PLSCR2: variants seen among roughly 807,000 people sequenced by gnomAD.
PLSCR2 encodes phospholipid scramblase 2, also known as PL scramblase 2.
Under a neutral mutation model 25.3 loss-of-function variants are expected in PLSCR2, and 18 were observed. The ratio of observed to expected loss-of-function variants is 0.71; its 90% confidence interval spans 0.49 to 1.06. The LOEUF is 1.06. PLSCR2 is among the 50% of genes least tolerant of loss of function. PLSCR2 has a pLI of 0.00. For synonymous variants in PLSCR2, 88 were observed against 87.3 expected (o/e 1.01, Z -0.04); for missense variants, 243 against 269.5 (o/e 0.90, Z 0.69).
intron 3 of PLSCR2, among the ~76,000 whole-genome samples, chr3:146,392,955 T>C (rs2038134597): frequency 6.6e-6 from 1 of 151,654 alleles, no homozygotes; most frequent in South Asian, 2.1e-4. Flanking sequence ...TGTAATATTT[T>C]ATTACATATT....
chr3:146,459,899 T>G (rs2041464010), exon 2 of PLSCR2: 4 of 1,613,952 alleles, frequency 2.5e-6, no homozygotes, highest in South Asian at 1.1e-5. Flanking sequence ...GTGGTGGTGC[T>G]GGCATCCATG....
intron 2 of PLSCR2, among the ~76,000 whole-genome samples, chr3:146,406,665 C>T (rs12488552): frequency 0.25 from 37,762 of 151,966 alleles, 4,893 homozygotes; most frequent in Admixed American, 0.34. Flanking sequence ...GCCTGGGGAC[C>T]TATGTTTTTA....
chr3:146,393,082 G>A (rs1287522764), intron 3 of PLSCR2, among the ~76,000 whole-genome samples: 2 of 133,422 alleles, frequency 1.5e-5, no homozygotes, highest in Non-Finnish European at 3.1e-5. Flanking sequence ...AGGCTGGAGT[G>A]TAGTGGCGTG....
intron 1 of PLSCR2, among the ~76,000 whole-genome samples, chr3:146,484,016 C>T (rs1001128035): frequency 4.0e-5 from 6 of 151,300 alleles, no homozygotes; most frequent in African/African-American, 1.5e-4. Flanking sequence ...ATGTTCTAAC[C>T]CAATCTAAAG....
intron 4 of PLSCR2, 77 bp downstream of exon 4, chr3:146,455,162 G>T: frequency 2.1e-6 from 2 of 939,096 alleles, no homozygotes; most frequent in South Asian, 1.4e-5. Context: ...AATTTCATTT[G>T]ATTATACAGA....
chr3:146,431,739 C>A (rs540577216), downstream of PLSCR2, among the ~76,000 whole-genome samples: 12 of 151,964 alleles, frequency 7.9e-5, no homozygotes, highest in African/African-American at 2.7e-4. Flanking sequence ...TAAAAGAATA[C>A]GAAGACTGGG....
In PLSCR2 at chr3:146,419,857, A is replaced by G. The variant is rs539253944; in HGVS notation, c.101-23936T>C. Among the ~76,000 whole-genome samples the G allele has an allele frequency of 3.3e-3, 509 of 152,124 alleles. 1 individual carries two copies. Among genetic ancestry groups the G allele is most frequent in the African/African-American group, 0.012 (481 of 41,536 alleles). On this transcript the variant is annotated intron_variant and NMD_transcript_variant, in intron 2 of 3. Transcript: ENST00000463633. ...ATAGACAATACAAGATAATTTCTCC[A>G]TATTTGGAGCCCTTAACTTAATCAC...
upstream of PLSCR2, among the ~76,000 whole-genome samples, chr3:146,460,651 A>C (rs2041521019): frequency 1.3e-5 from 2 of 152,178 alleles, no homozygotes; most frequent in African/African-American, 4.8e-5. Flanking sequence ...GGAGAGACTG[A>C]TATTGTCAGC....
At chr3:146,453,914 A>G (rs1000314368) in intron 5 of PLSCR2, 88 bp downstream of exon 5, 5 of 1,078,962 alleles carry the variant, frequency 4.6e-6, no homozygotes, top group Non-Finnish European at 6.6e-6. Flanking sequence ...TCAGTACACA[A>G]TACTAATTTA....
At position 146,485,113 on chromosome 3, in the gene PLSCR2, G is replaced by GA. The variant is rs34815576; in HGVS notation, c.-293+10781dup. On this transcript the variant is annotated intron_variant, in intron 1 of 8. Transcript: ENST00000336685. The stretch of plus-strand genomic sequence containing the variant: ...GGAAAATTCATCAAGCAACTGGAAA[G>GA]AAAAAAAAAAAAAGCAGGGGTTGAG... 2.8e-3 allele frequency among the ~76,000 whole-genome samples: 371 copies of GA among 134,188 alleles called. 1 individual carries two copies. The highest frequency in any genetic ancestry group is 7.8e-3 in the Middle Eastern group (2 of 256). 88.0% of individuals were successfully genotyped at this position (134,188 alleles called of 152,430 possible). A position where few individuals can be genotyped will look rare whatever the true frequency, so the allele number is the denominator to read the frequency against.
intron 1 of PLSCR2, among the ~76,000 whole-genome samples, chr3:146,485,839 G>A (rs1340673873): frequency 6.6e-6 from 1 of 152,080 alleles, no homozygotes; most frequent in African/African-American, 2.4e-5. Flanking sequence ...AAGGCAAGGA[G>A]GAGCAAGTCA....
intron 6 of PLSCR2, among the ~76,000 whole-genome samples, chr3:146,443,642 TTCTC>T (rs2040379273): frequency 6.6e-6 from 1 of 152,042 alleles, no homozygotes; most frequent in African/African-American, 2.4e-5. Flanking sequence ...TATTTGGGTC[TTCTC>T]TCTGTTTTCT....
At chr3:146,474,575 T>C (rs77140637) in intron 1 of PLSCR2, among the ~76,000 whole-genome samples, 4,266 of 152,248 alleles carry the variant, frequency 0.028, 227 homozygotes, top group African/African-American at 0.097. Context: ...AGTTTTTCCT[T>C]CGTTTCAGCC....
chr3:146,488,080 A>C (rs1047917499), intron 1 of PLSCR2, among the ~76,000 whole-genome samples: 6 of 151,910 alleles, frequency 3.9e-5, no homozygotes, highest in African/African-American at 1.4e-4. Context: ...GGGAAAGGAA[A>C]ATTATTCCCT....
chr3:146,465,351 A>G (rs1007741476), upstream of PLSCR2, among the ~76,000 whole-genome samples: 3 of 152,116 alleles, frequency 2.0e-5, no homozygotes, highest in Admixed American at 6.6e-5. Context: ...ACACAGCTAA[A>G]GCCTTTTGAC....
chr3:146,424,404 A>G (rs959162841), intron 2 of PLSCR2, among the ~76,000 whole-genome samples: 1 of 152,092 alleles, frequency 6.6e-6, no homozygotes, highest in African/African-American at 2.4e-5. Context: ...GGGCTTCAAC[A>G]TATGAATTTT....
At chr3:146,468,614 T>C (rs900707390) in intron 1 of PLSCR2, among the ~76,000 whole-genome samples, 36 of 152,112 alleles carry the variant, frequency 2.4e-4, no homozygotes, top group Non-Finnish European at 4.7e-4. Flanking sequence ...TTAACACACA[T>C]TAATTACTGC....
intron 1 of PLSCR2, 137 bp downstream of exon 1, chr3:146,469,358 A>G (rs1325267696): frequency 2.1e-6 from 2 of 970,062 alleles, no homozygotes; most frequent in Non-Finnish European, 2.5e-6. Flanking sequence ...GTTCCACTTC[A>G]GGTGTCGCTT....
At chr3:146,466,547 G>A (rs2041879664) in intron 1 of PLSCR2, among the ~76,000 whole-genome samples, 1 of 152,160 alleles carries the variant, frequency 6.6e-6, no homozygotes, top group Non-Finnish European at 1.5e-5. Context: ...TAGTAGTAAA[G>A]TGTTCTACAA....
Sources: allele counts gnomAD v4.1 joint callset (sites outside exome capture counted in the v4.1 genomes callset), GRCh38; gene constraint gnomAD v4.1.1; transcripts MANE v1.5; gene names NCBI Gene and HGNC (gene_info 2026-07-23, HGNC 2026-07-21).